Variants in TNRC6B observed in about 807,000 individuals in gnomAD.
TNRC6B encodes the protein trinucleotide repeat-containing gene 6B protein.
In TNRC6B, 52 loss-of-function variants were observed where a neutral mutation model predicts 203.6. The observed-to-expected ratio is 0.26, with a 90% CI of 0.20 to 0.32. The LOEUF (loss-of-function observed/expected upper bound fraction) is 0.32, where lower values mean the gene tolerates loss of function less well. Among genes scored for constraint, TNRC6B ranks in the 10% least tolerant of loss-of-function variants. TNRC6B has a pLI of 1.00. For missense variants in TNRC6B, 1,923 were observed against 2,286.2 expected (o/e 0.84, Z 3.24); for synonymous variants, 838 against 845.7 (o/e 0.99, Z 0.16).
At chr22:40,054,739 T>TA (rs1449726530) in intron 1 of TNRC6B, among the ~76,000 whole-genome samples, 2 of 152,060 alleles carry the variant, frequency 1.3e-5, no homozygotes, top group African/African-American at 2.4e-5. Flanking sequence ...ATAGAATTTC[T>TA]AAAAAACCTC....
intron 4 of TNRC6B, among the ~76,000 whole-genome samples, chr22:40,165,773 A>G (rs969707145): frequency 6.6e-5 from 10 of 152,152 alleles, no homozygotes; most frequent in Admixed American, 6.6e-4. Context: ...AGCTCCTTAT[A>G]TAACCATCAC....
chr22:40,117,219 T>A (rs2068395566), intron 2 of TNRC6B: 1 of 152,506 alleles, frequency 6.6e-6, no homozygotes, highest in Non-Finnish European at 1.5e-5. Context: ...GTTGCCCTTT[T>A]ACCAAGTTCT....
intron 1 of TNRC6B, among the ~76,000 whole-genome samples, chr22:40,083,443 C>T (rs973769286): frequency 2.6e-5 from 4 of 152,104 alleles, no homozygotes; most frequent in Non-Finnish European, 5.9e-5. Context: ...ACAGAGCTTG[C>T]GTAGGAGGTG....
At chr22:40,178,865 G>A (rs905978462) in intron 1 of TNRC6B, among the ~76,000 whole-genome samples, 7 of 152,122 alleles carry the variant, frequency 4.6e-5, no homozygotes, top group African/African-American at 1.7e-4. Flanking sequence ...CCAAAGGGTA[G>A]GACTATGTTG....
intron 12 of TNRC6B, among the ~76,000 whole-genome samples, chr22:40,297,850 C>T (rs925648307): frequency 3.3e-5 from 5 of 150,490 alleles, no homozygotes; most frequent in Admixed American, 6.7e-5. Context: ...AGGCCGGGTG[C>T]AGTGGTTCAC....
At chr22:40,154,128 G>C (rs2068788179) in intron 3 of TNRC6B, among the ~76,000 whole-genome samples, 1 of 151,976 alleles carries the variant, frequency 6.6e-6, no homozygotes, top group Non-Finnish European at 1.5e-5. Flanking sequence ...GGGACTTACA[G>C]GGTCATGCCA....
chr22:40,299,241 T>A, intron 12 of TNRC6B, among the ~76,000 whole-genome samples: 1 of 137,784 alleles, frequency 7.3e-6, no homozygotes. Flanking sequence ...AACTAAAGTC[T>A]TTTTTTTTTT....
intron 15 of TNRC6B, among the ~76,000 whole-genome samples, chr22:40,301,898 G>C (rs1003122620): frequency 1.8e-4 from 27 of 152,214 alleles, no homozygotes; most frequent in Middle Eastern, 3.4e-3. Context: ...CTACCGCCGG[G>C]AATTTTTAAA....
chr22:40,296,515 G>A (rs1287353249), intron 12 of TNRC6B, among the ~76,000 whole-genome samples: 1 of 151,666 alleles, frequency 6.6e-6, no homozygotes, highest in Admixed American at 6.6e-5. Context: ...TGTATTTTTA[G>A]TAGAGACGGG....
intron 3 of TNRC6B, among the ~76,000 whole-genome samples, chr22:40,127,263 A>G (rs545236814): frequency 1.3e-5 from 2 of 152,164 alleles, no homozygotes; most frequent in South Asian, 2.1e-4. Flanking sequence ...CTGCGGGGCT[A>G]TGATCTAGTC....
chr22:40,266,760 C>T lies in TNRC6B; in HGVS notation c.2530C>T (p.Pro844Ser), dbSNP rs748779951. Residue 844 changes from proline to serine, a missense_variant, in exon 5 of 23, where the codon CCC becomes TCC. Pro to Ser is a moderately conservative substitution (Grantham distance 74, BLOSUM62 -1). Transcript: ENST00000454349. ...PEASGSWGGP[P>S]PPPPGNVRPS... ...GGCTTCTGGTTCGTGGGGAGGCCCACCCCCACCACCTCCAGGCAACGTTCG... is the reference window on the plus strand; with the variant it reads ...GGCTTCTGGTTCGTGGGGAGGCCCATCCCCACCACCTCCAGGCAACGTTCG... The T allele has an allele frequency of 8.1e-6, 13 of 1,613,446 alleles. No individual in the cohort carries two copies. The highest frequency in any genetic ancestry group is 4.0e-5 in the African/African-American group (3 of 74,922).
chr22:40,284,508 C>G (rs187962955), intron 11 of TNRC6B, among the ~76,000 whole-genome samples: 1 of 152,258 alleles, frequency 6.6e-6, no homozygotes, highest in African/African-American at 2.4e-5. Flanking sequence ...TTCAGTGGGA[C>G]ATTTTCCGGT....
intron 19 of TNRC6B, among the ~76,000 whole-genome samples, chr22:40,313,375 G>T (rs1169323490): frequency 6.6e-6 from 1 of 151,866 alleles, no homozygotes; most frequent in Non-Finnish European, 1.5e-5. Flanking sequence ...ATAATAGCTA[G>T]CTTTTCTCTA....
At chr22:40,086,778 A>G (rs2068103353) in intron 1 of TNRC6B, among the ~76,000 whole-genome samples, 1 of 152,356 alleles carries the variant, frequency 6.6e-6, no homozygotes, top group South Asian at 2.1e-4. Flanking sequence ...AAGGTTTTAG[A>G]TAGAAATAAA....
intron 12 of TNRC6B, among the ~76,000 whole-genome samples, chr22:40,293,145 T>G (rs2070890723): frequency 1.3e-5 from 2 of 151,912 alleles, no homozygotes; most frequent in African/African-American, 4.8e-5. Context: ...TTGGATTGCT[T>G]CTAGATGTTT....
intron 1 of TNRC6B, among the ~76,000 whole-genome samples, chr22:40,182,626 G>A (rs537031629): frequency 6.6e-6 from 1 of 152,306 alleles, no homozygotes; most frequent in South Asian, 2.1e-4. Flanking sequence ...AATTTGGTTG[G>A]CCCATTGCCT....
chr22:40,311,575 C>G (rs896520264), intron 17 of TNRC6B, among the ~76,000 whole-genome samples: 1 of 147,000 alleles, frequency 6.8e-6, no homozygotes, highest in African/African-American at 2.5e-5. Flanking sequence ...GAGTTTTGCT[C>G]TTATTACCCA....
intron 16 of TNRC6B, 31 bp from the exon 17 acceptor site, chr22:40,310,786 C>G (rs2071166965): frequency 6.3e-6 from 10 of 1,591,110 alleles, no homozygotes; most frequent in Admixed American, 5.3e-5. Context: ...AGGAGTTATT[C>G]TGGATGATTT....
Position 40,334,629 on chromosome 22 carries a change from G to A in TNRC6B, c.*11388G>A, listed in dbSNP as rs1198998861. The A allele has an allele frequency of 2.0e-5, 3 of 152,576 alleles. No individual in the cohort carries two copies. The highest frequency in any genetic ancestry group is 4.4e-5 in the Non-Finnish European group (3 of 68,022). 9.5% of individuals were successfully genotyped at this position (152,576 alleles called of 1,614,324 possible). A position where few individuals can be genotyped will look rare whatever the true frequency, so the allele number is the denominator to read the frequency against. On this transcript the variant is annotated 3_prime_UTR_variant, in exon 23 of 23. Coordinates refer to ENST00000454349, the MANE Select transcript of TNRC6B (RefSeq NM_001162501.2). ...TGCTGCTTTGGGTTCCATAATCCTAGGGGGCTATGTTTACATAGTAAAATA... is the reference window on the plus strand; with the variant it reads ...TGCTGCTTTGGGTTCCATAATCCTAAGGGGCTATGTTTACATAGTAAAATA...
Sources: gnomAD v4.1 joint callset for allele counts (sites outside exome capture counted in the v4.1 genomes callset) on GRCh38, gnomAD v4.1.1 for gene constraint, MANE v1.5 for transcripts, NCBI Gene and HGNC (gene_info 2026-07-23, HGNC 2026-07-21) for gene names.